The following BDP1 variants were observed in gnomAD, a reference collection of about 807,000 sequenced individuals.
BDP1 encodes the protein transcription factor TFIIIB component B'' homolog.
In BDP1, 169 loss-of-function variants were observed where a neutral mutation model predicts 266.6. The observed-to-expected ratio is 0.63, with a 90% confidence interval of 0.56 to 0.72. The LOEUF is 0.72. BDP1 is among the 30% of genes least tolerant of loss of function. The pLI, the probability that BDP1 is intolerant of heterozygous loss-of-function variation, is 0.00. For missense variants in BDP1, 3,015 were observed against 3,053.8 expected (o/e 0.99, Z 0.30); for synonymous variants, 1,090 against 1,022.4 (o/e 1.07, Z -1.26).
In BDP1 at chr5:71,470,469, A is replaced by C; in HGVS notation, c.994A>C (p.Arg332=). 1 of 1,610,816 alleles carries C rather than the reference A, an allele frequency of 6.2e-7. No individual in the cohort carries two copies. The highest frequency in any genetic ancestry group is 1.3e-5 in the African/African-American group (1 of 74,972). The change falls in exon 7 of 39, where the codon AGA becomes CGA. Residue 332 remains arginine, a synonymous_variant. Coordinates refer to ENST00000358731, the MANE Select transcript of BDP1 (RefSeq NM_018429.3). ...TATGATCGGACAACTTTTTCCTCAC[A>C]GAGCAAGGATAGAAATTAAGGTAAA... ...FSMIGQLFPH[R]ARIEIKNKFK... is the part of the protein sequence containing the mutation.
intron 22 of BDP1, among the ~76,000 whole-genome samples, chr5:71,519,436 C>A (rs1765388553): frequency 6.6e-6 from 1 of 152,144 alleles, no homozygotes; most frequent in Non-Finnish European, 1.5e-5. Context: ...TTTTTATACA[C>A]ACTAACCAGC....
chr5:71,510,593 T>A lies in BDP1; in HGVS notation c.3501T>A (p.Asp1167Glu). 1 of 1,587,258 alleles carries A rather than the reference T, an allele frequency of 6.3e-7. No homozygotes were observed. Among genetic ancestry groups the A allele is most frequent in the Non-Finnish European group, 8.6e-7 (1 of 1,163,056 alleles). ...ENGPEEVKPV[D>E]EMETDLKTTG... ...GCCCAGAGGAGGTCAAGCCTGTAGA[T>A]GAAATGGAGACAGACTTGAAAACAA... The change falls in exon 17 of 39, where the codon GAT becomes GAA. Residue 1167 changes from aspartate (D) to glutamate (E), a missense_variant. Physicochemically the swap from Asp to Glu is conservative, Grantham distance 45. Coordinates refer to ENST00000358731, the MANE Select transcript of BDP1 (RefSeq NM_018429.3).
chr5:71,501,713 G>T, intron 14 of BDP1, 60 bp downstream of exon 14: 2 of 983,040 alleles, frequency 2.0e-6, no homozygotes, highest in South Asian at 1.5e-5. Flanking sequence ...AGGAATGATG[G>T]TAATAATTTG....
At position 71,566,824 on chromosome 5, in the gene BDP1, A is replaced by G. The variant is rs1266866693; in HGVS notation, c.*1939A>G. 1 of 152,226 alleles carries G rather than the reference A, an allele frequency of 6.6e-6. No homozygotes were observed. The highest frequency in any genetic ancestry group is 1.5e-5 in the Non-Finnish European group (1 of 68,038). The allele number at this position is 152,226 out of a possible 1,614,324, so 9.4% of individuals were successfully genotyped here. ...CTGTTGACTGTATTATGTAATGATC[A>G]GTATTTCAGTTGGGAAGATATTTTA... On this transcript the variant is annotated 3_prime_UTR_variant, in exon 39 of 39. Transcript: ENST00000358731.
At chr5:71,572,902 G>A in the BDP1 span, among the ~76,000 whole-genome samples, 1 of 152,098 alleles carries the variant, frequency 6.6e-6, no homozygotes, top group Non-Finnish European at 1.5e-5. Context: ...AAATCTGAAA[G>A]AATCTGTTGT....
In BDP1 at chr5:71,511,048, G is replaced by C. The variant is rs1205395510; in HGVS notation, c.3956G>C (p.Arg1319Thr). ...ACTGGAAAAACAGACATTTCTCCAA[G>C]GGAAAACGAGCTAGAGGAGACCAGT... ...KQTGKTDISP[R>T]ENELEETSTS... The change falls in exon 17 of 39, where the codon AGG becomes ACG. Residue 1319 changes from arginine to threonine, a missense_variant. Transcript: ENST00000358731. The C allele has an allele frequency of 6.2e-7, 1 of 1,614,118 alleles. No individual in the cohort carries two copies. The highest frequency in any genetic ancestry group is 8.5e-7 in the Non-Finnish European group (1 of 1,180,016).
At chr5:71,522,569 A>G (rs1765559283) in intron 23 of BDP1, 79 bp downstream of exon 23, 2 of 1,330,408 alleles carry the variant, frequency 1.5e-6, no homozygotes, top group Non-Finnish European at 2.1e-6. Flanking sequence ...GAGCATGAGT[A>G]AAATACAGTT....
chr5:71,526,340 G>T (rs933853861), intron 25 of BDP1, among the ~76,000 whole-genome samples: 1 of 151,110 alleles, frequency 6.6e-6, no homozygotes, highest in Non-Finnish European at 1.5e-5. Context: ...ATTTGGACCA[G>T]GCATGGTGGC....
chr5:71,465,754 G>A (rs1295241187), intron 4 of BDP1, among the ~76,000 whole-genome samples: 2 of 152,128 alleles, frequency 1.3e-5, no homozygotes, highest in Admixed American at 6.5e-5. Context: ...GGAGGTGCGC[G>A]CCTGTAATCC....
At chr5:71,483,802 T>G (rs1244019717) in intron 7 of BDP1, 40 bp from the exon 8 acceptor site, 26 of 1,506,888 alleles carry the variant, frequency 1.7e-5, no homozygotes, top group Non-Finnish European at 2.3e-5. Flanking sequence ...ATGCTTGTTT[T>G]ATGAGAGAAA....
chr5:71,481,307 T>C (rs572971096), intron 7 of BDP1, among the ~76,000 whole-genome samples: 104 of 150,356 alleles, frequency 6.9e-4, no homozygotes, highest in African/African-American at 2.5e-3. Context: ...TCCTAGTATT[T>C]TGGGAGGCTG....
intron 26 of BDP1, 127 bp downstream of exon 26, chr5:71,532,554 G>A (rs1174204821): frequency 2.4e-6 from 2 of 823,284 alleles, no homozygotes; most frequent in African/African-American, 3.5e-5. Context: ...GTAAGGAGCT[G>A]TTAGTCTGAG....
rs768982096 is a variant in BDP1, at chr5:71,562,366, G to A, written c.7589G>A (p.Arg2530His). The change falls in exon 38 of 39, where the codon CGC becomes CAC. Residue 2530 changes from arginine (R) to histidine (H), a missense_variant. Physicochemically the swap from Arg to His is conservative, Grantham distance 29. This residue lies in a region of BDP1 where 629 missense variants were observed against 632.5 expected (regional missense o/e 0.99). Transcript: ENST00000358731. ...CCTATGCAAGTCCATAGTAAGAAAC[G>A]CCTAAAACCTCTTATACCTGGATTA... ...DEPMQVHSKK[R>H]LKPLIPGLRK... 30 of 1,613,492 alleles carry A rather than the reference G, an allele frequency of 1.9e-5. No individual in the cohort carries two copies. In the South Asian group the frequency reaches 2.4e-4, roughly 13 times the overall value.
At chr5:71,569,776 G>A (rs910078809), downstream of BDP1, among the ~76,000 whole-genome samples, 7 of 152,184 alleles carry the variant, frequency 4.6e-5, no homozygotes, top group Non-Finnish European at 8.8e-5. Context: ...CACTCGCAGT[G>A]CCTGGGGGTG....
chr5:71,501,689 AAAAAG>A lies in BDP1; in HGVS notation c.2048+37_2048+41del. ...AGGAAGTAGTAAAAAAAAAAAAAAA[AAAAAG>A]TAACTCTTAGGAATGATGGTAATAA... is the stretch of plus-strand genomic sequence containing the variant. On this transcript the variant is annotated intron_variant, in intron 14 of 38. Coordinates refer to ENST00000358731, the MANE Select transcript of BDP1 (RefSeq NM_018429.3). 3 of 1,185,062 alleles carry A rather than the reference AAAAAG, an allele frequency of 2.5e-6. No individual in the cohort carries two copies. The Admixed American group carries it at 6.5e-5, about 26-fold the overall frequency. 73.4% of individuals were successfully genotyped at this position (1,185,062 alleles called of 1,614,324 possible). A position where few individuals can be genotyped will look rare whatever the true frequency, so the allele number is the denominator to read the frequency against.
intron 3 of BDP1, 27 bp from the exon 4 acceptor site, chr5:71,464,031 A>G (rs1467504021): frequency 1.5e-6 from 2 of 1,321,740 alleles, no homozygotes; most frequent in African/African-American, 1.5e-5. Flanking sequence ...ATAATTTATT[A>G]AAGATATTGT....
intron 7 of BDP1, among the ~76,000 whole-genome samples, chr5:71,478,164 C>T (rs901781349): frequency 6.6e-6 from 1 of 152,062 alleles, no homozygotes; most frequent in Non-Finnish European, 1.5e-5. Flanking sequence ...GCAGGAGAGT[C>T]GCTTGAACCC....
At chr5:71,531,092 G>T (rs183858486) in intron 25 of BDP1, among the ~76,000 whole-genome samples, 1 of 151,944 alleles carries the variant, frequency 6.6e-6, no homozygotes, top group African/African-American at 2.4e-5. Context: ...AATAACGTAT[G>T]TCTTGAAGGC....
At chr5:71,530,028 A>AAT (rs1360519711) in intron 25 of BDP1, among the ~76,000 whole-genome samples, 1 of 152,222 alleles carries the variant, frequency 6.6e-6, no homozygotes. Flanking sequence ...AAATACATTG[A>AAT]ATTGTACACC....
Sources: allele counts gnomAD v4.1 joint callset (sites outside exome capture counted in the v4.1 genomes callset), GRCh38; gene constraint gnomAD v4.1.1; regional missense constraint gnomAD v4.1.1; transcripts MANE v1.5; gene names NCBI Gene and HGNC (gene_info 2026-07-23, HGNC 2026-07-21).